Variants in BNC2 observed in about 807,000 individuals in gnomAD.
BNC2 encodes zinc finger protein basonuclin-2.
Under a neutral mutation model 76.3 loss-of-function variants are expected in BNC2, and 20 were observed. The ratio of observed to expected loss-of-function variants is 0.26; its 90% CI spans 0.18 to 0.38. The LOEUF (loss-of-function observed/expected upper bound fraction) is 0.38, where lower values mean the gene tolerates loss of function less well. BNC2 is among the 10% of genes least tolerant of loss of function. The probability of loss-of-function intolerance (pLI) is 1.00; values close to 1 mark genes in which losing one functional copy is unlikely to be tolerated. For missense variants in BNC2, 1,382 were observed against 1,399.8 expected (o/e 0.99, Z 0.20); for synonymous variants, 582 against 514.8 (o/e 1.13, Z -1.77).
At chr9:16,748,225 C>T (rs1385654725) in intron 1 of BNC2, among the ~76,000 whole-genome samples, 1 of 152,138 alleles carries the variant, frequency 6.6e-6, no homozygotes, top group African/African-American at 2.4e-5. Flanking sequence ...CAGGATCTGG[C>T]AAATAAGTCT....
intron 1 of BNC2, among the ~76,000 whole-genome samples, chr9:16,867,109 A>G (rs1381352861): frequency 1.3e-5 from 2 of 152,320 alleles, no homozygotes; most frequent in Admixed American, 6.5e-5. Context: ...CCTGTCTAAA[A>G]TTAATTTTAA....
intron 3 of BNC2, among the ~76,000 whole-genome samples, chr9:16,631,452 G>T (rs1257756239): frequency 6.6e-6 from 1 of 152,100 alleles, no homozygotes; most frequent in African/African-American, 2.4e-5. Context: ...GCAACAGAGC[G>T]AATCTGTTAA....
At chr9:16,486,087 G>C (rs1277531407) in intron 5 of BNC2, among the ~76,000 whole-genome samples, 2 of 152,128 alleles carry the variant, frequency 1.3e-5, no homozygotes, top group Non-Finnish European at 2.9e-5. Flanking sequence ...GCTCCAGCAG[G>C]CTTCCTGCTT....
intron 1 of BNC2, among the ~76,000 whole-genome samples, chr9:16,833,382 C>A (rs963930486): frequency 6.6e-6 from 1 of 152,148 alleles, no homozygotes; most frequent in Non-Finnish European, 1.5e-5. Context: ...GAACTCCATT[C>A]TTTTTCCATT....
chr9:16,843,341 T>C (rs1222964899), intron 1 of BNC2, among the ~76,000 whole-genome samples: 4 of 152,206 alleles, frequency 2.6e-5, no homozygotes, highest in African/African-American at 9.6e-5. Flanking sequence ...ATTCCTTTTT[T>C]GTGTGTGAGA....
At chr9:16,664,747 C>A (rs1253140804) in intron 3 of BNC2, among the ~76,000 whole-genome samples, 3 of 151,770 alleles carry the variant, frequency 2.0e-5, no homozygotes, top group Non-Finnish European at 2.9e-5. Flanking sequence ...AACAGGGGAT[C>A]TACAAGAGAC....
chr9:16,470,091 G>A (rs548210634), intron 5 of BNC2, among the ~76,000 whole-genome samples: 3 of 146,708 alleles, frequency 2.0e-5, no homozygotes, highest in South Asian at 2.2e-4. Flanking sequence ...TCTGCCTCCC[G>A]GGTTCATGCC....
intron 1 of BNC2, among the ~76,000 whole-genome samples, chr9:16,764,720 T>A (rs1825642957): frequency 7.9e-6 from 1 of 127,266 alleles, no homozygotes; most frequent in South Asian, 2.8e-4. Context: ...CAAATTGACA[T>A]AACTTTACTT....
chr9:16,727,552 CAAT>C, intron 3 of BNC2: 3 of 515,458 alleles, frequency 5.8e-6, no homozygotes, highest in Non-Finnish European at 1.0e-5. Context: ...AACTTTTCAA[CAAT>C]GTCTCTGCTT....
rs1823735370 is a variant in BNC2, at chr9:16,708,254, ACTGTGTTAAATGGCAT to A, written c.330+19527_330+19542del. On this transcript the variant is annotated intron_variant, in intron 3 of 6. Coordinates refer to ENST00000380672, the MANE Select transcript of BNC2 (RefSeq NM_017637.6). ...TTTCCTTGAGCCAAAAGAAAACTTT[ACTGTGTTAAATGGCAT>A]TTAGAAATAAGAGTTTTAAAGTTCT... Among the ~76,000 whole-genome samples the A allele has an allele frequency of 5.9e-5, 9 of 152,348 alleles. No individual in the cohort carries two copies. The South Asian group carries it at 1.7e-3, about 28-fold the overall frequency.
chr9:16,695,394 A>C (rs1823306578), intron 3 of BNC2, among the ~76,000 whole-genome samples: 1 of 152,042 alleles, frequency 6.6e-6, no homozygotes, highest in Non-Finnish European at 1.5e-5. Context: ...AAACTCCTAG[A>C]CTTTCCTTTC....
chr9:16,728,876 A>T (rs921535906), intron 2 of BNC2, among the ~76,000 whole-genome samples: 1 of 152,082 alleles, frequency 6.6e-6, no homozygotes, highest in Admixed American at 6.6e-5. Flanking sequence ...AAAAAAGTAT[A>T]CCTTTTCTTA....
rs901466512 is a variant in BNC2 at position 16,579,284 on chromosome 9, A to AT, written c.433+3698dup. 9.5e-3 allele frequency among the ~76,000 whole-genome samples: 1,424 copies of AT among 149,408 alleles called. 21 individuals are homozygous for AT. Among genetic ancestry groups the AT allele is most frequent in the African/African-American group, 0.032 (1,296 of 40,418 alleles). On this transcript the variant is annotated intron_variant, in intron 4 of 6. Transcript: ENST00000380672. Reference sequence around the variant, plus strand: ...TGAATTAATCACTCTTTAATTTATTATTTTTTTTTTATTTTTGAGACAGAG... The same window carrying AT: ...TGAATTAATCACTCTTTAATTTATTATTTTTTTTTTTATTTTTGAGACAGAG...
intron 5 of BNC2, among the ~76,000 whole-genome samples, chr9:16,462,921 C>T (rs2131263629): frequency 6.6e-6 from 1 of 152,234 alleles, no homozygotes; most frequent in Non-Finnish European, 1.5e-5. Flanking sequence ...GTTTGATGTC[C>T]TAGTTTTATG....
intron 1 of BNC2, among the ~76,000 whole-genome samples, chr9:16,741,979 AGAC>A (rs1166743659): frequency 1.3e-5 from 2 of 150,702 alleles, no homozygotes; most frequent in African/African-American, 2.4e-5. Context: ...AAAAAAAAAA[AGAC>A]AACAACACGT....
rs138559563 is a variant in BNC2 at position 16,548,055 on chromosome 9, C to T, written c.669+4475G>A. 4.6e-3 allele frequency among the ~76,000 whole-genome samples: 697 copies of T among 152,204 alleles called. 6 individuals carry two copies. The highest frequency in any genetic ancestry group is 0.016 in the African/African-American group (651 of 41,546). The stretch of plus-strand genomic sequence containing the variant: ...AGAAGAGTTGAGAGGGGCATCAATA[C>T]CACTCTTCTTATAAGGCTGTTGACA... On this transcript the variant is annotated intron_variant, in intron 5 of 6. Coordinates refer to ENST00000380672, the MANE Select transcript of BNC2 (RefSeq NM_017637.6).
intron 3 of BNC2, among the ~76,000 whole-genome samples, chr9:16,638,641 T>A (rs1821397458): frequency 6.6e-6 from 1 of 152,078 alleles, no homozygotes; most frequent in African/African-American, 2.4e-5. Context: ...ATGCATTATG[T>A]GACATTCCAC....
intron 3 of BNC2, among the ~76,000 whole-genome samples, chr9:16,585,513 A>G (rs1398185781): frequency 2.0e-5 from 3 of 152,168 alleles, no homozygotes; most frequent in Non-Finnish European, 2.9e-5. Context: ...ATAGACTACA[A>G]TTTTCCCTTA....
At chr9:16,754,457 T>C (rs370420560) in intron 1 of BNC2, among the ~76,000 whole-genome samples, 2 of 152,218 alleles carry the variant, frequency 1.3e-5, no homozygotes, top group South Asian at 4.1e-4. Context: ...GCTATTTTAA[T>C]CCAGATCTAA....
Sources: gnomAD v4.1 joint callset for allele counts (sites outside exome capture counted in the v4.1 genomes callset) on GRCh38, gnomAD v4.1.1 for gene constraint, MANE v1.5 for transcripts, NCBI Gene and HGNC (gene_info 2026-07-23, HGNC 2026-07-21) for gene names.